Variants in RNF126 observed in about 807,000 individuals in gnomAD.
RNF126 encodes the protein E3 ubiquitin-protein ligase RNF126.
A neutral mutation model predicts 41.9 loss-of-function variants in RNF126; 20 were observed. The ratio of observed to expected loss-of-function variants is 0.48; its 90% CI spans 0.34 to 0.69. RNF126 has a LOEUF of 0.69. Ranked by LOEUF, RNF126 falls within the 30% of genes least tolerant of loss-of-function variation. RNF126 has a pLI of 0.01. For synonymous variants in RNF126, 239 were observed against 202.9 expected (o/e 1.18, Z -1.51); for missense variants, 433 against 460.6 (o/e 0.94, Z 0.55).
In RNF126 at chr19:648,275, G is replaced by A. The variant is rs778908258; in HGVS notation, c.789C>T (p.His263=). The part of the protein sequence containing the change: ...DGCIVPWLEQ[H]DSCPVCRKSL... The stretch of plus-strand genomic sequence containing the variant: ...TTTTTCGGCAGACGGGGCAGCTGTC[G>A]TGCTTTGTGGGGACAGAGGCAGGGA... Residue 263 remains histidine (H), a splice_region_variant and synonymous_variant, in exon 9 of 9, where the codon CAC becomes CAT. Coordinates refer to ENST00000292363, the MANE Select transcript of RNF126 (RefSeq NM_194460.3). 3.5e-5 allele frequency: 55 copies of A among 1,561,240 alleles called. No individual in the cohort carries two copies. Among genetic ancestry groups the A allele is most frequent in the South Asian group, 2.6e-4 (22 of 85,062 alleles).
intron 1 of RNF126, among the ~76,000 whole-genome samples, chr19:653,955 G>A (rs768164173): frequency 8.5e-5 from 13 of 152,260 alleles, no homozygotes; most frequent in South Asian, 2.1e-4. Flanking sequence ...AGCCAAGGTC[G>A]ACCCCAGGCT....
At chr19:649,262 G>A in intron 6 of RNF126, 1 of 318,310 alleles carries the variant, frequency 3.1e-6, no homozygotes, top group Non-Finnish European at 5.7e-6. Context: ...ACGGCGGAAT[G>A]GGGGGGCCGT....
At position 650,446 on chromosome 19, in the gene RNF126, C is replaced by G. The variant is rs2030222566; in HGVS notation, c.444-150G>C. On this transcript the variant is annotated intron_variant, in intron 4 of 8. Transcript: ENST00000292363. ...TATTTATTTTACTATGAGCCAGGGT[C>G]TCACTCTAATGCCGAGGCAGGAGAG... 8.9e-6 allele frequency: 6 copies of G among 677,004 alleles called. No homozygotes were observed. The South Asian group carries it at 1.2e-4, about 14-fold the overall frequency. The allele number at this position is 677,004 out of a possible 1,614,324, so 41.9% of individuals were successfully genotyped here. A position where few individuals can be genotyped will look rare whatever the true frequency, so the allele number is the denominator to read the frequency against.
chr19:651,536 G>A lies in RNF126; in HGVS notation c.443+75C>T, dbSNP rs762909510. On this transcript the variant is annotated intron_variant, in intron 4 of 8. Coordinates refer to ENST00000292363, the MANE Select transcript of RNF126 (RefSeq NM_194460.3). ...ATGATGCCACGTTTCCGTGGAACCCGTGCTGGATTCTAAGCGCCAGAACTT... is the reference window on the plus strand; with the variant it reads ...ATGATGCCACGTTTCCGTGGAACCCATGCTGGATTCTAAGCGCCAGAACTT... 14 of 1,338,128 alleles carry A rather than the reference G, an allele frequency of 1.0e-5. No individual in the cohort carries two copies. The African/African-American group carries it at 1.4e-4, about 13-fold the overall frequency. 82.9% of individuals were successfully genotyped at this position (1,338,128 alleles called of 1,614,324 possible).
Position 659,204 on chromosome 19 carries a change from C to T in RNF126, c.75+3843G>A, listed in dbSNP as rs749702703. On this transcript the variant is annotated intron_variant, in intron 1 of 8. Coordinates refer to ENST00000292363, the MANE Select transcript of RNF126 (RefSeq NM_194460.3). The surrounding 1 kb of genome is among the most constrained non-coding windows in gnomAD (Gnocchi z 4.9). ...AGAGCAAGCAGCGGCCAGAGACAGA[C>T]CCAGGCCGTCTTCTGAAGACTCGGG... Among the ~76,000 whole-genome samples the T allele has an allele frequency of 4.6e-5, 7 of 152,164 alleles. No individual in the cohort carries two copies. The highest frequency in any genetic ancestry group is 9.7e-5 in the African/African-American group (4 of 41,434).
chr19:654,616 C>T (rs1402539134), intron 1 of RNF126, among the ~76,000 whole-genome samples: 3 of 120,226 alleles, frequency 2.5e-5, no homozygotes, highest in Non-Finnish European at 4.9e-5. Context: ...GCACTGCAGC[C>T]TGGGCGAGGG....
chr19:654,695 G>C (rs958520702), intron 1 of RNF126, among the ~76,000 whole-genome samples: 1 of 135,118 alleles, frequency 7.4e-6, no homozygotes, highest in Non-Finnish European at 1.5e-5. Flanking sequence ...GGCCGGGCGC[G>C]GTGTCTCATA....
At position 651,785 on chromosome 19, in the gene RNF126, C is replaced by G. The variant is rs546244262; in HGVS notation, c.269G>C (p.Ser90Thr). 1.4e-5 allele frequency: 22 copies of G among 1,612,730 alleles called. 1 individual carries two copies. The South Asian group carries it at 1.9e-4, about 14-fold the overall frequency. ...AGGAGGGAACGTGGGGATCTCGAAG[C>G]TGTCATCGAAGATGCCGAAAGCAAA... ...GQFAFGIFDD[S>T]FEIPTFPPGA... The change falls in exon 4 of 9, where the codon AGC becomes ACC. Residue 90 changes from serine (S) to threonine (T), a missense_variant. By Grantham distance (58) the Ser-to-Thr change is moderately conservative. Around this residue, in one of 5 missense-constraint regions of RNF126, gnomAD observed 247 missense variants for 224.7 expected, o/e 1.10. Transcript: ENST00000292363.
chr19:652,582 C>T (rs1224086109), intron 2 of RNF126: 14 of 605,416 alleles, frequency 2.3e-5, no homozygotes, highest in Non-Finnish European at 4.1e-5. Context: ...ACCAGATTAG[C>T]CGCCGAGGCT....
chr19:649,019 C>T (rs1407045533), intron 6 of RNF126, 44 bp from the exon 7 acceptor site: 14 of 1,004,350 alleles, frequency 1.4e-5, no homozygotes, highest in Admixed American at 3.7e-5. Context: ...CTCGGGGGCC[C>T]GGCCCGGGGC....
At chr19:648,573 A>G in intron 7 of RNF126, 86 bp from the exon 8 acceptor site, 1 of 1,126,914 alleles carries the variant, frequency 8.9e-7, no homozygotes, top group Non-Finnish European at 1.3e-6. Flanking sequence ...CCTCAGCCGG[A>G]GGCCGCCCCT....
chr19:649,212 C>G (rs1600627706), intron 6 of RNF126: 2 of 141,844 alleles, frequency 1.4e-5, no homozygotes, highest in East Asian at 2.8e-4. Context: ...GGGTCCCTGA[C>G]AGCGGAATGG....
chr19:658,314 G>T lies in RNF126; in HGVS notation c.75+4733C>A, dbSNP rs532897621. 2.5e-4 allele frequency among the ~76,000 whole-genome samples: 38 copies of T among 152,138 alleles called. 1 individual carries two copies. The South Asian group carries it at 6.6e-3, about 27-fold the overall frequency. On this transcript the variant is annotated intron_variant, in intron 1 of 8. Transcript: ENST00000292363. ...ATGTCCTGAGGGCCCAGGGCCAGGC[G>T]CATGGAGGGGAGTGGGCTGGCGACC...
At chr19:650,385 G>T (rs1335772635) in intron 4 of RNF126, 89 bp from the exon 5 acceptor site, 4 of 1,088,094 alleles carry the variant, frequency 3.7e-6, no homozygotes, top group Non-Finnish European at 5.4e-6. Flanking sequence ...AGCACCAAGG[G>T]CAGGGCCAGC....
chr19:651,174 T>C (rs529231459), intron 4 of RNF126, among the ~76,000 whole-genome samples: 297 of 148,116 alleles, frequency 2.0e-3, no homozygotes, highest in African/African-American at 6.6e-3. Context: ...CCCCAGGCTC[T>C]GTTCCACCAG....
intron 1 of RNF126, among the ~76,000 whole-genome samples, chr19:656,462 A>C (rs897979602): frequency 3.9e-5 from 6 of 152,104 alleles, no homozygotes; most frequent in African/African-American, 1.4e-4. Flanking sequence ...GAGACCAGCC[A>C]ACATAGGGAA....
intron 1 of RNF126, among the ~76,000 whole-genome samples, chr19:658,824 G>T (rs1167531810): frequency 6.6e-6 from 1 of 152,208 alleles, no homozygotes; most frequent in African/African-American, 2.4e-5. Context: ...CACCACTAGG[G>T]ACTGGAACCC....
intron 6 of RNF126, chr19:649,344 G>A (rs1568188780): frequency 2.7e-6 from 1 of 371,546 alleles, no homozygotes; most frequent in Non-Finnish European, 4.9e-6. Flanking sequence ...TCCTCAGCAA[G>A]GCTGAGACGG....
chr19:654,650 A>AG (rs2030483400), intron 1 of RNF126, among the ~76,000 whole-genome samples: 1 of 38,406 alleles, frequency 2.6e-5, no homozygotes. Flanking sequence ...CTCAAAAAAA[A>AG]AAAAAAAAAA....
Sources: gnomAD v4.1 joint callset for allele counts (sites outside exome capture counted in the v4.1 genomes callset) on GRCh38, gnomAD v4.1.1 for gene constraint, gnomAD v4.1.1 regional missense constraint, Gnocchi (gnomAD v3.1) non-coding constraint, MANE v1.5 for transcripts, NCBI Gene and HGNC (gene_info 2026-07-23, HGNC 2026-07-21) for gene names.